The following PABPC4 variants were observed in gnomAD, a reference collection of about 807,000 sequenced individuals.
PABPC4 encodes poly(A) binding protein cytoplasmic 4.
PABPC4 carries 15 observed loss-of-function variants against 74.5 expected under a neutral mutation model. That is an observed-to-expected ratio of 0.20 (90% CI 0.13 to 0.31). The LOEUF (loss-of-function observed/expected upper bound fraction) is 0.31, where lower values mean the gene tolerates loss of function less well. Ranked by LOEUF, PABPC4 falls within the 10% of genes least tolerant of loss-of-function variation. The pLI, the probability that PABPC4 is intolerant of heterozygous loss-of-function variation, is 1.00. For missense variants in PABPC4, 610 were observed against 853.5 expected, an observed-to-expected ratio of 0.71 and a Z score of 3.55; for synonymous variants, 345 against 303.0, an observed-to-expected ratio of 1.14 and a Z score of -1.44.
rs775523610 is a variant in PABPC4 at position 39,562,053 on chromosome 1, G to A, written c.1893+20C>T. The A allele has an allele frequency of 2.5e-5, 40 of 1,608,450 alleles. No individual in the cohort carries two copies. The highest frequency in any genetic ancestry group is 3.2e-5 in the Non-Finnish European group (38 of 1,178,284). ...TCCCAAGCTGAGAACTGAAGCTGCA[G>A]GGTCTGAGCCCCAGCTCACCTTGGA... On this transcript the variant is annotated intron_variant, in intron 14 of 15. Coordinates refer to ENST00000372858, the MANE Select transcript of PABPC4 (RefSeq NM_001135653.2).
intron 1 of PABPC4, 70 bp downstream of exon 1, chr1:39,575,689 G>A: frequency 1.5e-6 from 2 of 1,295,246 alleles, no homozygotes; most frequent in Middle Eastern, 2.1e-4. Flanking sequence ...TCGGCAGGAG[G>A]GCCCTGCCAG....
chr1:39,569,424 CT>C (rs1645903200), intron 5 of PABPC4, 170 bp downstream of exon 5: 4 of 616,114 alleles, frequency 6.5e-6, no homozygotes, highest in Non-Finnish European at 1.2e-5. Context: ...TTGTAAACAC[CT>C]ACATGAAGTT....
intron 12 of PABPC4, 73 bp from the exon 13 acceptor site, chr1:39,562,489 A>G: frequency 9.4e-7 from 1 of 1,065,598 alleles, no homozygotes; most frequent in South Asian, 1.4e-5. Context: ...GTGCCTGTTC[A>G]ATATCTGAAC....
intron 5 of PABPC4, 130 bp downstream of exon 5, chr1:39,569,465 G>C: frequency 2.9e-6 from 2 of 689,508 alleles, no homozygotes; most frequent in South Asian, 3.4e-5. Flanking sequence ...GATGATCCCA[G>C]AGTATAGTAA....
chr1:39,570,056 C>A, intron 3 of PABPC4, 54 bp from the exon 4 acceptor site: 1 of 1,556,920 alleles, frequency 6.4e-7, no homozygotes, highest in Non-Finnish European at 8.8e-7. Context: ...AACATGATGT[C>A]CAGGGACCCA....
intron 14 of PABPC4, 105 bp from the exon 15 acceptor site, chr1:39,561,892 T>C (rs1645774393): frequency 3.3e-6 from 4 of 1,203,582 alleles, no homozygotes; most frequent in Non-Finnish European, 3.6e-6. Context: ...AGATGATCCC[T>C]AGGCTTCTGG....
At position 39,569,648 on chromosome 1, in the gene PABPC4, T is replaced by C. The variant is rs1190297939; in HGVS notation, c.685A>G (p.Lys229Glu). Residue 229 changes from lysine to glutamate, a missense_variant, in exon 5 of 16, where the codon AAA becomes GAA. Physicochemically the swap from Lys to Glu is moderately conservative, Grantham distance 56. Around this residue, in one of 4 missense-constraint regions of PABPC4, gnomAD observed 304 missense variants for 478.9 expected, o/e 0.63. Transcript: ENST00000372858. ...SVKVMRDPNG[K>E]SKGFGFVSYE... The stretch of plus-strand genomic sequence containing the variant: ...CTCACAAAGCCAAAGCCTTTGGATT[T>C]CCCATTGGGATCTCTCATCACCTTG... 2 of 1,614,034 alleles carry C rather than the reference T, an allele frequency of 1.2e-6. No individual in the cohort carries two copies. Among genetic ancestry groups the C allele is most frequent in the Non-Finnish European group, 1.7e-6 (2 of 1,180,014 alleles).
chr1:39,571,380 G>T (rs373054763), intron 2 of PABPC4, 31 bp from the exon 3 acceptor site: 1 of 1,612,756 alleles, frequency 6.2e-7, no homozygotes, highest in Non-Finnish European at 8.5e-7. Flanking sequence ...CACTTTAGCA[G>T]AACTGGCCAG....
chr1:39,564,924 T>G lies in PABPC4; in HGVS notation c.1246-151A>C, dbSNP rs902893283. 5.7e-6 allele frequency: 5 copies of G among 882,578 alleles called. 1 individual carries two copies. In the East Asian group the frequency reaches 1.3e-4, roughly 23 times the overall value. 54.7% of individuals were successfully genotyped at this position (882,578 alleles called of 1,614,324 possible). On this transcript the variant is annotated intron_variant, in intron 8 of 15. Transcript: ENST00000372858. ...GAGGGGTCAGCTAATGGGGACTGTT[T>G]TATGCTACCACTGCCACTGTGGGTG...
Position 39,576,171 on chromosome 1 carries a change from C to T in PABPC4, c.-220G>A. ...AGCACCGCAGACAAAAGGCTCTCCGCACAATACGGCCCTCCCCGCGACTTT... is the reference window on the plus strand; with the variant it reads ...AGCACCGCAGACAAAAGGCTCTCCGTACAATACGGCCCTCCCCGCGACTTT... On this transcript the variant is annotated 5_prime_UTR_variant, in exon 1 of 16. Coordinates refer to ENST00000372858, the MANE Select transcript of PABPC4 (RefSeq NM_001135653.2). 1 of 471,418 alleles carries T rather than the reference C, an allele frequency of 2.1e-6. No homozygotes were observed. Among genetic ancestry groups the T allele is most frequent in the South Asian group, 3.6e-5 (1 of 28,078 alleles). 29.2% of individuals were successfully genotyped at this position (471,418 alleles called of 1,614,324 possible).
intron 2 of PABPC4, 91 bp from the exon 3 acceptor site, chr1:39,571,440 G>GC: frequency 6.7e-7 from 1 of 1,488,434 alleles, no homozygotes; most frequent in Non-Finnish European, 9.3e-7. Context: ...GGAGACTCTA[G>GC]CCCATCCATG....
chr1:39,562,551 C>G (rs1393580298), intron 12 of PABPC4, 135 bp from the exon 13 acceptor site: 1 of 636,820 alleles, frequency 1.6e-6, no homozygotes, highest in Admixed American at 2.9e-5. Flanking sequence ...TCTAAAGGAA[C>G]TAATTTCAGT....
intron 13 of PABPC4, 44 bp downstream of exon 13, chr1:39,562,279 A>G: frequency 6.2e-7 from 1 of 1,610,246 alleles, no homozygotes; most frequent in African/African-American, 1.3e-5. Context: ...AGCTGGCATC[A>G]GGCTCTGGGA....
intron 8 of PABPC4, 72 bp from the exon 9 acceptor site, chr1:39,564,845 C>T (rs766184869): frequency 9.2e-6 from 11 of 1,201,782 alleles, no homozygotes; most frequent in Non-Finnish European, 1.4e-5. Flanking sequence ...CTCATCTCAT[C>T]TCACTAACCA....
intron 7 of PABPC4, chr1:39,567,263 C>G (rs1419754243): frequency 5.0e-6 from 2 of 397,936 alleles, no homozygotes; most frequent in Non-Finnish European, 9.9e-6. Context: ...ATGATGCACA[C>G]TACGAAACAT....
At chr1:39,564,363 A>C (rs1397289340) in intron 10 of PABPC4, 60 bp downstream of exon 10, 4 of 1,591,806 alleles carry the variant, frequency 2.5e-6, no homozygotes, top group African/African-American at 1.3e-5. Flanking sequence ...CCCAGGACAG[A>C]GCCTAGTCAT....
chr1:39,561,162 A>T (rs1408757462), intron 15 of PABPC4, 40 bp from the exon 16 acceptor site: 1 of 469,580 alleles, frequency 2.1e-6, no homozygotes, highest in Non-Finnish European at 4.4e-6. Flanking sequence ...TGCATAATCA[A>T]ATAATTTAGA....
chr1:39,571,125 G>A (rs1383523935), intron 3 of PABPC4, 109 bp downstream of exon 3: 13 of 1,579,542 alleles, frequency 8.2e-6, no homozygotes, highest in African/African-American at 1.3e-5. Context: ...GTAGGAGCAG[G>A]CCACACTTGG....
At chr1:39,564,308 T>G in intron 10 of PABPC4, 115 bp downstream of exon 10, 1 of 1,268,464 alleles carries the variant, frequency 7.9e-7, no homozygotes, top group South Asian at 1.5e-5. Flanking sequence ...CAGCTAAGAT[T>G]ACAGAACCAG....
Sources: allele counts gnomAD v4.1 joint callset, GRCh38; gene constraint gnomAD v4.1.1; regional missense constraint gnomAD v4.1.1; transcripts MANE v1.5; gene names NCBI Gene and HGNC (gene_info 2026-07-23, HGNC 2026-07-21).